DLG2: variants seen among roughly 807,000 people sequenced by gnomAD.
DLG2 encodes the protein disks large homolog 2.
Under a neutral mutation model 132.5 loss-of-function variants are expected in DLG2, and 45 were observed. The observed-to-expected ratio is 0.34, with a 90% confidence interval of 0.27 to 0.44. The LOEUF is 0.44. Among genes scored for constraint, DLG2 ranks in the 20% least tolerant of loss-of-function variants. DLG2 has a pLI of 1.00. For missense variants in DLG2, 1,045 were observed against 1,196.9 expected (o/e 0.87, Z 1.87); for synonymous variants, 424 against 419.6 (o/e 1.01, Z -0.13).
At chr11:84,635,469 T>A (rs2099639094) in intron 6 of DLG2, among the ~76,000 whole-genome samples, 1 of 152,214 alleles carries the variant, frequency 6.6e-6, no homozygotes, top group South Asian at 2.1e-4. Flanking sequence ...ACTTTGAGCA[T>A]CTTCCTTGTA....
At chr11:85,590,655 A>C (rs35334896) in intron 3 of DLG2, among the ~76,000 whole-genome samples, 20,147 of 150,886 alleles carry the variant, frequency 0.13, 1,778 homozygotes, top group Non-Finnish European at 0.2. Flanking sequence ...CTCTCTCTAT[A>C]TATATATATA....
At chr11:83,919,552 C>T (rs2077489540) in intron 15 of DLG2, among the ~76,000 whole-genome samples, 1 of 152,120 alleles carries the variant, frequency 6.6e-6, no homozygotes, top group Non-Finnish European at 1.5e-5. Context: ...TTTTACATTA[C>T]AGGTGGCTGT....
At chr11:85,130,544 T>C (rs903779889) in intron 5 of DLG2, among the ~76,000 whole-genome samples, 1 of 152,196 alleles carries the variant, frequency 6.6e-6, no homozygotes, top group African/African-American at 2.4e-5. Context: ...AGCTGTGGTA[T>C]CGAAATGTGC....
intron 6 of DLG2, among the ~76,000 whole-genome samples, chr11:84,587,886 C>G (rs1031000609): frequency 6.6e-6 from 1 of 152,086 alleles, no homozygotes; most frequent in African/African-American, 2.4e-5. Flanking sequence ...TCTCAGGAGC[C>G]CCACTACTTC....
At chr11:84,607,462 T>C (rs2099587829) in intron 6 of DLG2, among the ~76,000 whole-genome samples, 2 of 152,038 alleles carry the variant, frequency 1.3e-5, no homozygotes, top group Non-Finnish European at 2.9e-5. Flanking sequence ...TGTAAGATTT[T>C]TGGGGGGGCA....
intron 6 of DLG2, among the ~76,000 whole-genome samples, chr11:84,792,406 T>A (rs1055712965): frequency 5.9e-5 from 9 of 152,138 alleles, no homozygotes; most frequent in Non-Finnish European, 1.0e-4. Flanking sequence ...GATGTGTCTG[T>A]CTGATTTTTG....
At chr11:83,696,397 A>T (rs2081951276) in intron 18 of DLG2, among the ~76,000 whole-genome samples, 1 of 152,168 alleles carries the variant, frequency 6.6e-6, no homozygotes, top group African/African-American at 2.4e-5. Flanking sequence ...TTGTGGCTAT[A>T]TGAGAATGCA....
chr11:85,296,953 TATTA>T (rs1439960852), intron 3 of DLG2, among the ~76,000 whole-genome samples: 1 of 150,518 alleles, frequency 6.6e-6, no homozygotes, highest in Non-Finnish European at 1.5e-5. Flanking sequence ...GTACAAATTA[TATTA>T]ATTATATAAA....
intron 3 of DLG2, among the ~76,000 whole-genome samples, chr11:85,352,200 C>G (rs181976700): frequency 4.6e-5 from 7 of 152,112 alleles, no homozygotes; most frequent in African/African-American, 1.7e-4. Flanking sequence ...TTTGCATAGA[C>G]GTGTTTATAG....
chr11:85,080,068 C>A (rs369107377), intron 6 of DLG2, among the ~76,000 whole-genome samples: 4 of 152,242 alleles, frequency 2.6e-5, no homozygotes, highest in African/African-American at 9.6e-5. Context: ...ATCTATGTGT[C>A]TATCCTTGAT....
At chr11:84,844,073 GTGTGTGTGTGTGTATATATATATATA>G (rs2081073499) in intron 6 of DLG2, among the ~76,000 whole-genome samples, 1 of 83,672 alleles carries the variant, frequency 1.2e-5, no homozygotes, top group East Asian at 2.6e-4. Context: ...GTTTGTGTGT[GTGTGTGTGTGTGTATATATATATATA>G]TATGTTTGTG....
chr11:84,392,909 G>A (rs1287645059), intron 7 of DLG2, among the ~76,000 whole-genome samples: 1 of 152,082 alleles, frequency 6.6e-6, no homozygotes, highest in Non-Finnish European at 1.5e-5. Context: ...TTTTAACATA[G>A]CATAAATATA....
chr11:84,518,586 C>G (rs565414331), intron 7 of DLG2, among the ~76,000 whole-genome samples: 6 of 152,236 alleles, frequency 3.9e-5, no homozygotes, highest in African/African-American at 1.4e-4. Context: ...GCCTCGGAAG[C>G]TCTCAAAACT....
intron 3 of DLG2, among the ~76,000 whole-genome samples, chr11:85,386,320 G>T (rs549102208): frequency 1.3e-5 from 2 of 152,226 alleles, no homozygotes; most frequent in Non-Finnish European, 1.5e-5. Flanking sequence ...TTAAAGACGA[G>T]AAAACTGATG....
intron 4 of DLG2, among the ~76,000 whole-genome samples, chr11:85,275,349 A>G (rs1009572241): frequency 6.6e-6 from 1 of 152,214 alleles, no homozygotes; most frequent in Admixed American, 6.5e-5. Flanking sequence ...AGATTTCAAA[A>G]TAAAACAACT....
intron 3 of DLG2, among the ~76,000 whole-genome samples, chr11:85,492,872 T>TA (rs2093593224): frequency 6.6e-6 from 1 of 151,828 alleles, no homozygotes; most frequent in Non-Finnish European, 1.5e-5. Context: ...TGTTAAGGTA[T>TA]AAAAAGAAAA....
At chr11:84,211,690 A>G (rs908603584) in intron 8 of DLG2, among the ~76,000 whole-genome samples, 3 of 152,234 alleles carry the variant, frequency 2.0e-5, no homozygotes, top group Non-Finnish European at 4.4e-5. Context: ...GATAAAATAG[A>G]CTTTCCTTAG....
At chr11:83,950,986 A>G (rs1394801145) in intron 14 of DLG2, among the ~76,000 whole-genome samples, 2 of 152,188 alleles carry the variant, frequency 1.3e-5, no homozygotes, top group African/African-American at 4.8e-5. Flanking sequence ...TTTGTTGAAT[A>G]AATCAAAGTA....
chr11:84,259,012 CTG>C (rs1169734334), intron 7 of DLG2, among the ~76,000 whole-genome samples: 13 of 152,188 alleles, frequency 8.5e-5, no homozygotes, highest in Admixed American at 3.9e-4. Context: ...TGGATCATGA[CTG>C]TAATCCCAGT....
Sources: gnomAD v4.1 joint callset for allele counts (sites outside exome capture counted in the v4.1 genomes callset) on GRCh38, gnomAD v4.1.1 for gene constraint, MANE v1.5 for transcripts, NCBI Gene and HGNC (gene_info 2026-07-23, HGNC 2026-07-21) for gene names.